Variants in KATNAL2 observed in about 807,000 individuals in gnomAD.
KATNAL2 encodes katanin catalytic subunit A1 like 2.
KATNAL2 carries 52 observed loss-of-function variants against 76.3 expected under a neutral mutation model. The ratio of observed to expected loss-of-function variants is 0.68; its 90% CI spans 0.55 to 0.86. The LOEUF is 0.86. KATNAL2 is among the 40% of genes least tolerant of loss of function. KATNAL2 has a pLI of 0.00. For missense variants in KATNAL2, 660 were observed against 668.9 expected, an observed-to-expected ratio of 0.99 and a Z score of 0.15; for synonymous variants, 243 against 244.2, an observed-to-expected ratio of 1.00 and a Z score of 0.05.
chr18:47,042,897 C>T (rs1307196743), intron 3 of KATNAL2, among the ~76,000 whole-genome samples: 1 of 152,034 alleles, frequency 6.6e-6, no homozygotes, highest in Non-Finnish European at 1.5e-5. Context: ...TGACCTACAC[C>T]AAAGAAATTG....
rs996149771 is a variant in KATNAL2 at position 47,101,889 on chromosome 18, C to T, written c.*884C>T. Reference sequence around the variant, plus strand: ...GCATCTCTCTCAGAAACCCACAATCCGAGGCATCTACTTTCAACCCTTGAT... The same window carrying T: ...GCATCTCTCTCAGAAACCCACAATCTGAGGCATCTACTTTCAACCCTTGAT... On this transcript the variant is annotated 3_prime_UTR_variant, in exon 18 of 18. Coordinates refer to ENST00000683218, the MANE Select transcript of KATNAL2 (RefSeq NM_001387690.1). 2.0e-5 allele frequency: 3 copies of T among 152,162 alleles called. No individual in the cohort carries two copies. The highest frequency in any genetic ancestry group is 4.4e-5 in the Non-Finnish European group (3 of 68,056). 9.4% of individuals were successfully genotyped at this position (152,162 alleles called of 1,614,324 possible).
At chr18:47,076,943 C>T (rs2062263533) in intron 14 of KATNAL2, among the ~76,000 whole-genome samples, 1 of 151,862 alleles carries the variant, frequency 6.6e-6, no homozygotes, top group African/African-American at 2.4e-5. Flanking sequence ...CCCAGCTACT[C>T]AGGAGGCTGA....
intron 10 of KATNAL2, among the ~76,000 whole-genome samples, chr18:47,066,488 T>G (rs1163668745): frequency 1.3e-5 from 2 of 152,084 alleles, no homozygotes; most frequent in East Asian, 3.9e-4. Context: ...TAGGGAATGA[T>G]CGCTAGCGAA....
chr18:47,050,346 T>G (rs1337603635), intron 4 of KATNAL2, among the ~76,000 whole-genome samples: 4 of 152,228 alleles, frequency 2.6e-5, no homozygotes, highest in African/African-American at 9.6e-5. Flanking sequence ...GTTATTTGCA[T>G]AGCCATTGAG....
intron 8 of KATNAL2, among the ~76,000 whole-genome samples, chr18:47,062,439 T>C (rs8083804): frequency 0.011 from 1,619 of 151,682 alleles, 18 homozygotes; most frequent in African/African-American, 0.037. Flanking sequence ...AGGGAACTCA[T>C]ACATTGTTGG....
chr18:47,038,713 A>G (rs917176376), intron 3 of KATNAL2, among the ~76,000 whole-genome samples: 1 of 152,232 alleles, frequency 6.6e-6, no homozygotes, highest in Non-Finnish European at 1.5e-5. Flanking sequence ...TGCACTTTAA[A>G]AAATTTGAGA....
At chr18:47,061,567 C>T (rs1311387385) in intron 8 of KATNAL2, among the ~76,000 whole-genome samples, 1 of 152,174 alleles carries the variant, frequency 6.6e-6, no homozygotes, top group Admixed American at 6.5e-5. Flanking sequence ...CACATCCTTA[C>T]TACATCAGAA....
chr18:46,925,972 T>A (rs980974953), intron 1 of KATNAL2, among the ~76,000 whole-genome samples: 1 of 152,204 alleles, frequency 6.6e-6, no homozygotes, highest in African/African-American at 2.4e-5. Flanking sequence ...GATTCTTCTC[T>A]CTTTTCTTCT....
intron 15 of KATNAL2, chr18:47,098,086 T>C (rs1381469908): frequency 6.3e-6 from 1 of 158,478 alleles, no homozygotes; most frequent in East Asian, 1.9e-4. Context: ...GATAGAGAGA[T>C]ATGAAGCAGA....
At chr18:47,035,637 C>A (rs1334148637) in intron 3 of KATNAL2, 2 of 441,562 alleles carry the variant, frequency 4.5e-6, no homozygotes, top group Non-Finnish European at 8.6e-6. Context: ...TTGGGCTGCC[C>A]CGCCCCCATA....
chr18:47,084,103 A>G (rs2062654089), intron 15 of KATNAL2, among the ~76,000 whole-genome samples: 1 of 152,200 alleles, frequency 6.6e-6, no homozygotes, highest in Non-Finnish European at 1.5e-5. Context: ...CAAGGAAAAG[A>G]GCTGTCAGTC....
intron 4 of KATNAL2, among the ~76,000 whole-genome samples, chr18:47,050,014 G>T (rs114159403): frequency 0.027 from 4,073 of 152,154 alleles, 164 homozygotes; most frequent in African/African-American, 0.094. Flanking sequence ...CTGCAGGTGC[G>T]TGCCGCCATG....
In KATNAL2 at chr18:47,043,245, A is replaced by AAAAAAAAAAAT. The variant is rs376877321; in HGVS notation, c.52-3212_52-3211insAAAAAAAAAAT. ...CCGTTTCAAAAAAAAAAAAAAAAAAAGAGATCCTAAAAGCTTCCTGGGAAG... is the reference window on the plus strand; with the variant it reads ...CCGTTTCAAAAAAAAAAAAAAAAAAAAAAAAAAAAATGAGATCCTAAAAGCTTCCTGGGAAG... On this transcript the variant is annotated intron_variant, in intron 3 of 17. Coordinates refer to ENST00000683218, the MANE Select transcript of KATNAL2 (RefSeq NM_001387690.1). Among the ~76,000 whole-genome samples the AAAAAAAAAAAT allele has an allele frequency of 4.4e-4, 41 of 93,146 alleles. 3 individuals carry two copies. Among genetic ancestry groups the AAAAAAAAAAAT allele is most frequent in the African/African-American group, 8.9e-4 (22 of 24,732 alleles). The allele number at this position is 93,146 out of a possible 152,430, so 61.1% of individuals were successfully genotyped here. A position where few individuals can be genotyped will look rare whatever the true frequency, so the allele number is the denominator to read the frequency against.
At chr18:47,079,903 G>T (rs564036793) in intron 15 of KATNAL2, among the ~76,000 whole-genome samples, 2 of 152,246 alleles carry the variant, frequency 1.3e-5, no homozygotes, top group Non-Finnish European at 2.9e-5. Flanking sequence ...GTGATGTCTT[G>T]TTGCTCCATT....
At chr18:46,967,311 G>GT (rs2060162092) in intron 3 of KATNAL2, among the ~76,000 whole-genome samples, 1 of 119,780 alleles carries the variant, frequency 8.3e-6, no homozygotes, top group Non-Finnish European at 1.9e-5. Flanking sequence ...ATCCACTCAG[G>GT]TGCCTGCTTC....
chr18:47,067,414 T>TA (rs1445771633), intron 11 of KATNAL2, among the ~76,000 whole-genome samples: 1 of 152,194 alleles, frequency 6.6e-6, no homozygotes, highest in Non-Finnish European at 1.5e-5. Context: ...CCTGCTCCCT[T>TA]AAAAATATTC....
At chr18:47,034,554 C>T (rs201688260) in intron 3 of KATNAL2, 1 of 1,614,242 alleles carries the variant, frequency 6.2e-7, no homozygotes, top group Non-Finnish European at 8.5e-7. Flanking sequence ...CCTGGGCACA[C>T]AAGGGGCGTT....
Position 47,033,034 on chromosome 18 carries a change from C to G in KATNAL2, c.52-13423C>G, listed in dbSNP as rs774453041. 6 of 1,614,022 alleles carry G rather than the reference C, an allele frequency of 3.7e-6. No homozygotes were observed. In the South Asian group the frequency reaches 5.5e-5, roughly 15 times the overall value. ...TCGGGAGAATCTTCTCTTGTAGTCTCGAATTGCCTTGGCCATCAGCGGGGC... is the reference window on the plus strand; with the variant it reads ...TCGGGAGAATCTTCTCTTGTAGTCTGGAATTGCCTTGGCCATCAGCGGGGC... On this transcript the variant is annotated intron_variant, in intron 3 of 17. Coordinates refer to ENST00000683218, the MANE Select transcript of KATNAL2 (RefSeq NM_001387690.1).
chr18:47,089,911 TAA>T (rs201452881), intron 15 of KATNAL2, among the ~76,000 whole-genome samples: 1 of 150,618 alleles, frequency 6.6e-6, no homozygotes, highest in Non-Finnish European at 1.5e-5. Context: ...GTATTTCTTT[TAA>T]AAAAAAAATC....
Sources: gnomAD v4.1 joint callset for allele counts (sites outside exome capture counted in the v4.1 genomes callset) on GRCh38, gnomAD v4.1.1 for gene constraint, MANE v1.5 for transcripts, NCBI Gene and HGNC (gene_info 2026-07-23, HGNC 2026-07-21) for gene names.